PTGER2: variants seen among roughly 807,000 people sequenced by gnomAD.
The protein encoded by PTGER2 is prostaglandin E receptor 2, also known as prostaglandin E2 receptor EP2 subtype.
Under a neutral mutation model 26.2 loss-of-function variants are expected in PTGER2, and 22 were observed. The ratio of observed to expected loss-of-function variants is 0.84; its 90% CI spans 0.60 to 1.20. The LOEUF (loss-of-function observed/expected upper bound fraction) is 1.20. PTGER2 is among the 50% of genes most tolerant of loss of function. The probability of loss-of-function intolerance (pLI) is 0.00; values close to 1 mark genes in which losing one functional copy is unlikely to be tolerated. For missense variants in PTGER2, 458 were observed against 475.2 expected (o/e 0.96, Z 0.34); for synonymous variants, 219 against 208.9 (o/e 1.05, Z -0.42).
intron 1 of PTGER2, among the ~76,000 whole-genome samples, chr14:52,322,159 G>A (rs543015362): frequency 9.2e-5 from 14 of 152,202 alleles, no homozygotes; most frequent in African/African-American, 2.4e-4. Flanking sequence ...AGTGTTGGCC[G>A]GCTGAGAAAG....
Position 52,314,564 on chromosome 14 carries a change from A to G in PTGER2, c.16A>G (p.Asn6Asp), listed in dbSNP as rs1222175833. The G allele has an allele frequency of 6.7e-7, 1 of 1,496,630 alleles. No individual in the cohort carries two copies. The highest frequency in any genetic ancestry group is 2.4e-5 in the Admixed American group (1 of 41,468). The allele number at this position is 1,496,630 out of a possible 1,614,324, so 92.7% of individuals were successfully genotyped here. ...GCACCCCACCATGGGCAATGCCTCC[A>G]ATGACTCCCAGTCTGAGGACTGCGA... MGNASNDSQSEDCETR... is the reference protein window; with the variant it reads MGNASDDSQSEDCETR... The change falls in exon 1 of 2, where the codon AAT becomes GAT. Residue 6 changes from asparagine to aspartate, a missense_variant. Physicochemically the swap from Asn to Asp is conservative, Grantham distance 23. Coordinates refer to ENST00000245457, the MANE Select transcript of PTGER2 (RefSeq NM_000956.4). The surrounding 1 kb of genome is among the most constrained non-coding windows in gnomAD (Gnocchi z 5.7).
intron 1 of PTGER2, among the ~76,000 whole-genome samples, 170 bp from the exon 2 acceptor site, chr14:52,327,051 G>T (rs1371155697): frequency 1.3e-5 from 2 of 152,072 alleles, no homozygotes; most frequent in African/African-American, 4.8e-5. Flanking sequence ...TTATGTTACA[G>T]TTTACATAAG....
In PTGER2 at chr14:52,315,305, A is replaced by G. The variant is rs2033827923; in HGVS notation, c.757A>G (p.Arg253Gly). 1 of 1,612,668 alleles carries G rather than the reference A, an allele frequency of 6.2e-7. No homozygotes were observed. The highest frequency in any genetic ancestry group is 1.7e-5 in the Admixed American group (1 of 59,924). ...GGPGARRRGERVSMAEETDHL... is the reference protein window; with the variant it reads ...GGPGARRRGEGVSMAEETDHL... The stretch of plus-strand genomic sequence containing the variant: ...CCCCGGGGCCCGCAGGAGAGGGGAA[A>G]GGGTGTCCATGGCGGAGGAGACGGA... The change falls in exon 1 of 2, where the codon AGG (arginine) becomes GGG (glycine). Residue 253 changes from arginine (R) to glycine (G), a missense_variant. By Grantham distance (125) the Arg-to-Gly change is moderately radical (BLOSUM62 -2). Coordinates refer to ENST00000245457, the MANE Select transcript of PTGER2 (RefSeq NM_000956.4).
chr14:52,321,262 G>T lies in PTGER2; in HGVS notation c.843+5871G>T, dbSNP rs559590365. Among the ~76,000 whole-genome samples the T allele has an allele frequency of 1.3e-3, 196 of 151,098 alleles. 1 individual carries two copies. The highest frequency in any genetic ancestry group is 0.012 in the Admixed American group (177 of 15,184). On this transcript the variant is annotated intron_variant, in intron 1 of 1. Coordinates refer to ENST00000245457, the MANE Select transcript of PTGER2 (RefSeq NM_000956.4). ...CTGAAAAATAATCTCCCCCCAAAAT[G>T]TTTTTTTTTAAAGAATGAATTAGGC...
In PTGER2 at chr14:52,314,726, C is replaced by T; in HGVS notation, c.178C>T (p.Arg60Cys). 3 of 1,584,858 alleles carry T rather than the reference C, an allele frequency of 1.9e-6. No homozygotes were observed. The highest frequency in any genetic ancestry group is 2.6e-6 in the Non-Finnish European group (3 of 1,160,860). ...WRGDVGCSAG[R>C]RSSLSLFHVL... ...GGGGGACGTGGGGTGCAGCGCCGGC[C>T]GCAGGAGCTCCCTCTCCTTGTTCCA... The change falls in exon 1 of 2, where the codon CGC (arginine) becomes TGC (cysteine). Residue 60 changes from arginine (R) to cysteine (C), a missense_variant. By Grantham distance (180) the Arg-to-Cys change is radical (BLOSUM62 -3). Transcript: ENST00000245457. This position sits in a 1 kb window ranked among gnomAD's most constrained non-coding sequence, Gnocchi z 5.7.
chr14:52,318,592 G>A (rs970417148), intron 1 of PTGER2, among the ~76,000 whole-genome samples: 5 of 152,126 alleles, frequency 3.3e-5, no homozygotes, highest in Admixed American at 3.3e-4. Flanking sequence ...CCTCAAAAGT[G>A]GACCAAACCA....
At chr14:52,326,016 G>A (rs2033946028) in intron 1 of PTGER2, among the ~76,000 whole-genome samples, 1 of 152,196 alleles carries the variant, frequency 6.6e-6, no homozygotes, top group South Asian at 2.1e-4. Flanking sequence ...GCCTTATAAA[G>A]CACTGGTTTT....
intron 1 of PTGER2, among the ~76,000 whole-genome samples, chr14:52,326,062 T>C (rs2033946388): frequency 6.6e-6 from 1 of 152,224 alleles, no homozygotes; most frequent in African/African-American, 2.4e-5. Context: ...GTTTTCCTCT[T>C]TTCTGTGAAT....
intron 1 of PTGER2, among the ~76,000 whole-genome samples, chr14:52,326,137 A>T (rs545054497): frequency 8.7e-4 from 133 of 152,298 alleles, no homozygotes; most frequent in Non-Finnish European, 1.7e-3. Flanking sequence ...CCAAACATTT[A>T]TGTTGCTCCC....
At chr14:52,321,824 T>A (rs1358419263) in intron 1 of PTGER2, among the ~76,000 whole-genome samples, 1 of 152,252 alleles carries the variant, frequency 6.6e-6, no homozygotes, top group Non-Finnish European at 1.5e-5. Flanking sequence ...TTAGCTGCTA[T>A]CTCTAGGGGA....
Position 52,318,282 on chromosome 14 carries a change from G to A in PTGER2, c.843+2891G>A, listed in dbSNP as rs182613252. On this transcript the variant is annotated intron_variant, in intron 1 of 1. Transcript: ENST00000245457. The stretch of plus-strand genomic sequence containing the variant: ...TCAGAAATGTTTCTGTTTCTCTAAC[G>A]GAGTGCACATGATCTGATAGAAATA... Among the ~76,000 whole-genome samples, 73 of 152,218 alleles carry A rather than the reference G, an allele frequency of 4.8e-4. 1 individual carries two copies. Among genetic ancestry groups the A allele is most frequent in the African/African-American group, 1.5e-3 (62 of 41,524 alleles).
Position 52,327,505 on chromosome 14 carries a change from G to T in PTGER2, c.*51G>T. On this transcript the variant is annotated 3_prime_UTR_variant, in exon 2 of 2. Transcript: ENST00000245457. ...TATATAGCATCTGGAAGATCATTTT[G>T]AAATTGTTCCTTGGAGAAATGAAAA... The T allele has an allele frequency of 7.1e-7, 1 of 1,412,728 alleles. No homozygotes were observed. The highest frequency in any genetic ancestry group is 1.2e-5 in the South Asian group (1 of 80,734). The allele number at this position is 1,412,728 out of a possible 1,614,324, so 87.5% of individuals were successfully genotyped here. A position where few individuals can be genotyped will look rare whatever the true frequency, so the allele number is the denominator to read the frequency against.
intron 1 of PTGER2, among the ~76,000 whole-genome samples, chr14:52,319,056 A>C (rs971637570): frequency 6.6e-6 from 1 of 152,190 alleles, no homozygotes; most frequent in African/African-American, 2.4e-5. Context: ...GAGCCAATTA[A>C]CCTAACCACA....
intron 1 of PTGER2, 54 bp from the exon 2 acceptor site, chr14:52,327,167 T>C: frequency 7.7e-7 from 1 of 1,303,024 alleles, no homozygotes; most frequent in South Asian, 1.3e-5. Context: ...GGTCTAAGCC[T>C]GTCTACTGCT....
rs45441893 is a variant in PTGER2, at chr14:52,327,072, A to G, written c.844-149A>G. ...TACAGTTTACATAAGGAAGAAAGGT[A>G]AGATTCCCAACCCCCACCTTTCGTT... is the stretch of plus-strand genomic sequence containing the variant. On this transcript the variant is annotated intron_variant, in intron 1 of 1. Transcript: ENST00000245457. 5,586 of 612,274 alleles carry G rather than the reference A, an allele frequency of 9.1e-3. 257 individuals carry two copies. In the African/African-American group the frequency reaches 0.095, roughly 10 times the overall value. 37.9% of individuals were successfully genotyped at this position (612,274 alleles called of 1,614,324 possible).
Position 52,326,121 on chromosome 14 carries a change from AC to A in PTGER2, c.844-1098del, listed in dbSNP as rs35750094. 2.1e-3 allele frequency among the ~76,000 whole-genome samples: 317 copies of A among 152,258 alleles called. 10 individuals are homozygous for A. The East Asian group carries it at 0.053, about 25-fold the overall frequency. On this transcript the variant is annotated intron_variant, in intron 1 of 1. Transcript: ENST00000245457. ...AAGATGCATTATTCCATTCCTTCCAACCTGCCCAAACATTTATGTTGCTCCC... is the reference window on the plus strand; with the variant it reads ...AAGATGCATTATTCCATTCCTTCCAACTGCCCAAACATTTATGTTGCTCCC...
At chr14:52,316,620 T>A (rs2033843958) in intron 1 of PTGER2, among the ~76,000 whole-genome samples, 1 of 152,206 alleles carries the variant, frequency 6.6e-6, no homozygotes, top group Non-Finnish European at 1.5e-5. Flanking sequence ...ATCTCCTGCC[T>A]CCATTACTGC....
chr14:52,317,503 C>T (rs1209710926), intron 1 of PTGER2, among the ~76,000 whole-genome samples: 4 of 152,174 alleles, frequency 2.6e-5, no homozygotes, highest in Admixed American at 2.6e-4. Flanking sequence ...TTTTCCCTCC[C>T]TCAGTTAATA....
Position 52,315,036 on chromosome 14 carries a change from T to C in PTGER2, c.488T>C (p.Val163Ala). The C allele has an allele frequency of 6.2e-7, 1 of 1,613,234 alleles. No homozygotes were observed. Among genetic ancestry groups the C allele is most frequent in the Non-Finnish European group, 8.5e-7 (1 of 1,180,014 alleles). ...GCCGTGCTGCCTGTCATCTATGCAG[T>C]CTCCCTGCTCTTCTGCTCGCTGCCG... ...GLAVLPVIYA[V>A]SLLFCSLPLL... The change falls in exon 1 of 2, where the codon GTC becomes GCC. Residue 163 changes from valine to alanine, a missense_variant. Transcript: ENST00000245457.
Sources: gnomAD v4.1 joint callset for allele counts (sites outside exome capture counted in the v4.1 genomes callset) on GRCh38, gnomAD v4.1.1 for gene constraint, Gnocchi (gnomAD v3.1) non-coding constraint, MANE v1.5 for transcripts, NCBI Gene and HGNC (gene_info 2026-07-23, HGNC 2026-07-21) for gene names.